SUMF2: variants seen among roughly 807,000 people sequenced by gnomAD.
The protein encoded by SUMF2 is sulfatase modifying factor 2, also known as inactive C-alpha-formylglycine-generating enzyme 2.
SUMF2 carries 45 observed loss-of-function variants against 44.8 expected under a neutral mutation model. The ratio of observed to expected loss-of-function variants is 1.00; its 90% CI spans 0.79 to 1.29. The LOEUF (loss-of-function observed/expected upper bound fraction) is 1.29. Among genes scored for constraint, SUMF2 ranks in the 50% most tolerant of loss-of-function variants. The pLI, the probability that SUMF2 is intolerant of heterozygous loss-of-function variation, is 0.00. For synonymous variants in SUMF2, 148 were observed against 150.4 expected, an observed-to-expected ratio of 0.98 and a Z score of 0.12; for missense variants, 418 against 389.9, an observed-to-expected ratio of 1.07 and a Z score of -0.61.
the SUMF2 span, chr7:56,087,777 CT>C: frequency 1.9e-6 from 3 of 1,609,756 alleles, no homozygotes; most frequent in South Asian, 3.3e-5. Flanking sequence ...GCTAACGCCC[CT>C]GGGAGTGCAG....
At chr7:56,071,783 T>TAAAA (rs1255631890) in intron 2 of SUMF2, among the ~76,000 whole-genome samples, 1 of 113,434 alleles carries the variant, frequency 8.8e-6, no homozygotes, top group African/African-American at 3.2e-5. Context: ...AGACTCCGTC[T>TAAAA]AAAAATAAAT....
intron 5 of SUMF2, 182 bp downstream of exon 5, chr7:56,074,918 G>A (rs1187066343): frequency 3.0e-6 from 2 of 664,462 alleles, no homozygotes; most frequent in Non-Finnish European, 4.9e-6. Flanking sequence ...GGCAATATAG[G>A]GAGACCCTGT....
chr7:56,073,045 A>G lies in SUMF2; in HGVS notation c.273A>G (p.Gly91=). The G allele has an allele frequency of 1.2e-6, 2 of 1,614,100 alleles. No homozygotes were observed. The highest frequency in any genetic ancestry group is 1.7e-6 in the Non-Finnish European group (2 of 1,180,028). Reference sequence around the variant, plus strand: ...ATCGGACAGAAGCTGAGATGTTTGGATGGAGCTTTGTCTTTGAGGACTTTG... The same window carrying G: ...ATCGGACAGAAGCTGAGATGTTTGGGTGGAGCTTTGTCTTTGAGGACTTTG... The part of the protein sequence containing the change: ...KKYRTEAEMF[G]WSFVFEDFVS... The change falls in exon 3 of 9, where the codon GGA becomes GGG. Residue 91 remains glycine (G), a synonymous_variant. Coordinates refer to ENST00000434526, the MANE Select transcript of SUMF2 (RefSeq NM_015411.4).
At chr7:56,081,899 C>T, downstream of SUMF2, 1 of 1,613,456 alleles carries the variant, frequency 6.2e-7, no homozygotes, top group Non-Finnish European at 8.5e-7. This position sits in a 1 kb window ranked among gnomAD's most constrained non-coding sequence, Gnocchi z 4.6. Context: ...TCACCAGGTC[C>T]TTCACGGTGT....
chr7:56,078,976 A>G, intron 8 of SUMF2: 1 of 624,092 alleles, frequency 1.6e-6, no homozygotes, highest in Non-Finnish European at 2.9e-6. Flanking sequence ...AGCTCACTAC[A>G]GCCTCAAACT....
At position 56,079,947 on chromosome 7, in the gene SUMF2, T is replaced by C; in HGVS notation, c.*335T>C. On this transcript the variant is annotated 3_prime_UTR_variant, in exon 9 of 9. Transcript: ENST00000434526. ...ATTTTTTAAGCATTTTAAAATCTAT[T>C]CTCTCCCCCTTTCTCCCTGGATGAT... 7.9e-7 allele frequency: 1 copy of C among 1,268,848 alleles called. No homozygotes were observed. Among genetic ancestry groups the C allele is most frequent in the South Asian group, 1.6e-5 (1 of 63,576 alleles). The allele number at this position is 1,268,848 out of a possible 1,614,324, so 78.6% of individuals were successfully genotyped here.
chr7:56,082,300 G>A, downstream of SUMF2: 1 of 1,482,148 alleles, frequency 6.7e-7, no homozygotes, highest in South Asian at 1.1e-5. Flanking sequence ...GCACTCAGAA[G>A]AGGAAGTCCA....
chr7:56,075,815 A>G (rs1029643324), intron 5 of SUMF2, among the ~76,000 whole-genome samples: 14 of 152,104 alleles, frequency 9.2e-5, no homozygotes, highest in African/African-American at 2.4e-4. Flanking sequence ...AAACCCCTCT[A>G]CACAATCTTT....
intron 1 of SUMF2, among the ~76,000 whole-genome samples, chr7:56,065,112 A>C (rs1301381571): frequency 6.7e-6 from 1 of 148,398 alleles, no homozygotes; most frequent in Non-Finnish European, 1.5e-5. Context: ...GAATGGCGTG[A>C]ACCCCGGGGG....
chr7:56,079,310 A>T, intron 8 of SUMF2: 1 of 572,034 alleles, frequency 1.7e-6, no homozygotes, highest in Non-Finnish European at 3.1e-6. Flanking sequence ...CTCTTGCAAG[A>T]CTCCTTTTGT....
downstream of SUMF2, chr7:56,081,382 G>T: frequency 6.7e-7 from 1 of 1,490,470 alleles, no homozygotes; most frequent in South Asian, 1.3e-5. The surrounding 1 kb of genome is among the most constrained non-coding windows in gnomAD (Gnocchi z 4.6). Context: ...CTCTGGGCTC[G>T]TTTGCCACGA....
chr7:56,087,685 A>C, the SUMF2 span: 4 of 1,613,942 alleles, frequency 2.5e-6, no homozygotes, highest in Non-Finnish European at 3.4e-6. Context: ...TCCGGGCTGA[A>C]GCTGCCTCCA....
chr7:56,071,893 T>C (rs1795182232), intron 2 of SUMF2, among the ~76,000 whole-genome samples: 1 of 151,322 alleles, frequency 6.6e-6, no homozygotes, highest in African/African-American at 2.4e-5. Context: ...GGGCAGATCA[T>C]GAAGTCAGGA....
chr7:56,082,014 A>T, downstream of SUMF2: 1 of 1,613,922 alleles, frequency 6.2e-7, no homozygotes, highest in South Asian at 1.1e-5. Flanking sequence ...GGAGCCGGCC[A>T]GCAGCGTGTA....
At chr7:56,078,587 A>G (rs757107534) in intron 8 of SUMF2, 79 bp downstream of exon 8, 91 of 1,425,254 alleles carry the variant, frequency 6.4e-5, no homozygotes, top group Non-Finnish European at 7.9e-5. Context: ...GAGTGTCCCT[A>G]CCTTCACACC....
rs763179454 is a variant in SUMF2, at chr7:56,074,585, G to A, written c.385-1G>A. On this transcript the variant is annotated splice_acceptor_variant, in intron 4 of 8. Coordinates refer to ENST00000434526, the MANE Select transcript of SUMF2 (RefSeq NM_015411.4). LOFTEE classifies it high-confidence loss of function. ...CTGTCTCACTTAATCCTGGCTGTCA[G>A]CCTGCAGGTCCTGGCTCTGGCATCC... The A allele has an allele frequency of 1.9e-6, 3 of 1,613,776 alleles. No individual in the cohort carries two copies. The highest frequency in any genetic ancestry group is 1.7e-6 in the Non-Finnish European group (2 of 1,179,888).
the SUMF2 span, among the ~76,000 whole-genome samples, chr7:56,086,654 G>A: frequency 1.4e-4 from 21 of 151,120 alleles, no homozygotes; most frequent in African/African-American, 3.9e-4. Flanking sequence ...CTGGGATTAC[G>A]GTTGTGAGCC....
At chr7:56,070,049 C>T (rs1305829329) in intron 2 of SUMF2, among the ~76,000 whole-genome samples, 8 of 152,016 alleles carry the variant, frequency 5.3e-5, no homozygotes, top group Non-Finnish European at 1.2e-4. Context: ...GCTGGGATTA[C>T]AGGCATGCAC....
chr7:56,081,265 A>C (rs750119696), downstream of SUMF2: 7 of 1,612,274 alleles, frequency 4.3e-6, no homozygotes, highest in Non-Finnish European at 5.9e-6. The surrounding 1 kb of genome is among the most constrained non-coding windows in gnomAD (Gnocchi z 4.6). Context: ...CTGGTAGTAG[A>C]TCCGCACTGA....
Sources: gnomAD v4.1 joint callset for allele counts (sites outside exome capture counted in the v4.1 genomes callset) on GRCh38, gnomAD v4.1.1 for gene constraint, Gnocchi (gnomAD v3.1) non-coding constraint, MANE v1.5 for transcripts, NCBI Gene and HGNC (gene_info 2026-07-23, HGNC 2026-07-21) for gene names.